The following SPARCL1 variants were observed in gnomAD, a reference collection of about 807,000 sequenced individuals.
SPARCL1 encodes the protein SPARC-like protein 1.
Under a neutral mutation model 67.1 loss-of-function variants are expected in SPARCL1, and 52 were observed. That is an observed-to-expected ratio of 0.78 (90% CI 0.62 to 0.98). The LOEUF is 0.98. Ranked by LOEUF, SPARCL1 falls within the 50% of genes least tolerant of loss-of-function variation. The pLI is 0.00. For missense variants in SPARCL1, 717 were observed against 782.4 expected, an observed-to-expected ratio of 0.92 and a Z score of 1.00; for synonymous variants, 226 against 267.8, an observed-to-expected ratio of 0.84 and a Z score of 1.52.
intron 1 of SPARCL1, among the ~76,000 whole-genome samples, chr4:87,526,627 T>G (rs183873455): frequency 2.8e-4 from 43 of 152,328 alleles, no homozygotes; most frequent in Admixed American, 2.4e-3. Flanking sequence ...CTAGCCCAGA[T>G]GCATTGGACT....
intron 1 of SPARCL1, among the ~76,000 whole-genome samples, chr4:87,511,757 T>C (rs972674533): frequency 2.0e-5 from 3 of 152,004 alleles, no homozygotes; most frequent in Admixed American, 1.3e-4. Context: ...TTTGTTGCTG[T>C]GGTGTCGGTG....
intron 10 of SPARCL1, among the ~76,000 whole-genome samples, chr4:87,477,917 C>G (rs1199536417): frequency 6.6e-6 from 1 of 152,186 alleles, no homozygotes; most frequent in East Asian, 1.9e-4. Context: ...CATCCTTTCA[C>G]AGAATGTTTA....
chr4:87,528,625 T>G (rs931155239), intron 1 of SPARCL1: 1 of 152,198 alleles, frequency 6.6e-6, no homozygotes, highest in African/African-American at 2.4e-5. Context: ...CTTTAGATAA[T>G]TTAAACATGG....
At chr4:87,479,280 C>T (rs1723706140) in intron 10 of SPARCL1, 150 bp downstream of exon 10, 2 of 758,524 alleles carry the variant, frequency 2.6e-6, no homozygotes, top group African/African-American at 3.5e-5. Context: ...ACAGCATGTG[C>T]ACCAAGGGAG....
chr4:87,480,621 G>A (rs1723781331), intron 8 of SPARCL1, 101 bp from the exon 9 acceptor site: 2 of 1,104,804 alleles, frequency 1.8e-6, no homozygotes, highest in Non-Finnish European at 2.6e-6. Flanking sequence ...AACACGATAG[G>A]GGAAAACAAG....
intron 10 of SPARCL1, 107 bp from the exon 11 acceptor site, chr4:87,473,910 T>C (rs897592369): frequency 6.2e-5 from 43 of 696,098 alleles, no homozygotes; most frequent in Non-Finnish European, 1.0e-4. Context: ...TAAGGCAGTA[T>C]AATGGTGATC....
intron 1 of SPARCL1, among the ~76,000 whole-genome samples, chr4:87,509,818 C>T (rs2110250976): frequency 6.6e-6 from 1 of 152,284 alleles, no homozygotes; most frequent in East Asian, 1.9e-4. Context: ...TGTGTGCACA[C>T]ATGTGTGGAC....
At chr4:87,491,956 A>AC (rs1491494014) in intron 4 of SPARCL1, among the ~76,000 whole-genome samples, 13 of 10,626 alleles carry the variant, frequency 1.2e-3, no homozygotes, top group African/African-American at 2.4e-3. Context: ...CCCCCCCCCC[A>AC]AAAAAAAAAA....
intron 1 of SPARCL1, among the ~76,000 whole-genome samples, chr4:87,526,167 T>G (rs1170300723): frequency 6.6e-6 from 1 of 152,192 alleles, no homozygotes; most frequent in Non-Finnish European, 1.5e-5. Context: ...AACACTTTCT[T>G]TGGTTTCCTT....
chr4:87,515,483 C>T (rs977515771), intron 1 of SPARCL1, among the ~76,000 whole-genome samples: 1 of 152,184 alleles, frequency 6.6e-6, no homozygotes, highest in Admixed American at 6.5e-5. Context: ...TAATTCATCC[C>T]TTTACTAGAG....
rs70957258 is a variant in SPARCL1 at position 87,504,135 on chromosome 4, TTGTGTGTGTGTGTGTGTGTG to T, written c.-11-4570_-11-4551del. ...GCTGCACATAGAAAGTGATTTGGTA[TTGTGTGTGTGTGTGTGTGTG>T]TGTGTGTGTGTGTGTGTGTGTGTGT... On this transcript the variant is annotated intron_variant, in intron 1 of 10. Coordinates refer to ENST00000282470, the MANE Select transcript of SPARCL1 (RefSeq NM_004684.6). 1.3e-4 allele frequency among the ~76,000 whole-genome samples: 4 copies of T among 30,922 alleles called. No homozygotes were observed. In the Admixed American group the frequency reaches 1.8e-3, roughly 14 times the overall value. 20.3% of individuals were successfully genotyped at this position (30,922 alleles called of 152,430 possible). A position where few individuals can be genotyped will look rare whatever the true frequency, so the allele number is the denominator to read the frequency against.
chr4:87,512,407 T>G (rs1725402534), intron 1 of SPARCL1, among the ~76,000 whole-genome samples: 1 of 152,168 alleles, frequency 6.6e-6, no homozygotes, highest in Non-Finnish European at 1.5e-5. Context: ...CCCTATGATG[T>G]GGGCCTTAAC....
At chr4:87,522,176 G>A (rs534433881) in intron 1 of SPARCL1, among the ~76,000 whole-genome samples, 130 of 152,054 alleles carry the variant, frequency 8.5e-4, no homozygotes, top group Non-Finnish European at 1.6e-3. Flanking sequence ...TGAAAAAGAC[G>A]TTCTTCTATT....
intron 7 of SPARCL1, among the ~76,000 whole-genome samples, chr4:87,485,058 T>C (rs1723994324): frequency 6.6e-6 from 1 of 151,870 alleles, no homozygotes; most frequent in Non-Finnish European, 1.5e-5. Flanking sequence ...ACGCTTTATT[T>C]CTTTCTCTTG....
intron 1 of SPARCL1, among the ~76,000 whole-genome samples, chr4:87,519,440 G>C (rs543733741): frequency 1.3e-5 from 2 of 152,202 alleles, no homozygotes; most frequent in African/African-American, 4.8e-5. Context: ...AAAATGCTTT[G>C]CTTTCAGAGC....
chr4:87,495,661 C>T (rs1222236730), intron 2 of SPARCL1, among the ~76,000 whole-genome samples: 13 of 152,134 alleles, frequency 8.5e-5, no homozygotes, highest in African/African-American at 2.4e-4. Context: ...TGGTGGCTCA[C>T]GCCTGTAATC....
intron 5 of SPARCL1, among the ~76,000 whole-genome samples, chr4:87,491,244 C>CA: frequency 6.9e-6 from 1 of 144,698 alleles, no homozygotes; most frequent in African/African-American, 2.5e-5. Context: ...GGCTGAAATT[C>CA]AAAATGTTTG....
At chr4:87,489,575 C>T (rs188656726) in intron 7 of SPARCL1, among the ~76,000 whole-genome samples, 18 of 152,318 alleles carry the variant, frequency 1.2e-4, no homozygotes, top group Non-Finnish European at 2.5e-4. Context: ...TTTGAGGCCA[C>T]TATCTCAAAG....
chr4:87,490,792 C>T lies in SPARCL1; in HGVS notation c.1378G>A (p.Val460Met). ...AGGGGTTTTGTTGGAGGACAAGTCA[C>T]TGGATCCTGGCAGACACAGTGAGGT... ...GKPHCVCQDP[V>M]TCPPTKPLDQ... Residue 460 changes from valine (V) to methionine (M), a missense_variant, in exon 6 of 11, where the codon GTG (valine) becomes ATG (methionine). Physicochemically the swap from Val to Met is conservative, Grantham distance 21. Transcript: ENST00000282470. 6.2e-7 allele frequency: 1 copy of T among 1,612,464 alleles called. No homozygotes were observed. Among genetic ancestry groups the T allele is most frequent in the South Asian group, 1.1e-5 (1 of 90,664 alleles).
Sources: allele counts gnomAD v4.1 joint callset (sites outside exome capture counted in the v4.1 genomes callset), GRCh38; gene constraint gnomAD v4.1.1; transcripts MANE v1.5; gene names NCBI Gene and HGNC (gene_info 2026-07-23, HGNC 2026-07-21).